Variants in KCNB2 observed in about 807,000 individuals in gnomAD.
KCNB2 encodes the protein delayed rectifier potassium channel protein.
KCNB2 carries 15 observed loss-of-function variants against 61.5 expected under a neutral mutation model. That is an observed-to-expected ratio of 0.24 (90% confidence interval 0.16 to 0.38). KCNB2 has a LOEUF of 0.38. Ranked by LOEUF, KCNB2 falls within the 10% of genes least tolerant of loss-of-function variation. The pLI is 1.00. For synonymous variants in KCNB2, 457 were observed against 446.0 expected, an observed-to-expected ratio of 1.02 and a Z score of -0.31; for missense variants, 828 against 1,125.2, an observed-to-expected ratio of 0.74 and a Z score of 3.78.
chr8:72,638,415 C>T (rs993181701), intron 2 of KCNB2, among the ~76,000 whole-genome samples: 1 of 152,116 alleles, frequency 6.6e-6, no homozygotes, highest in Admixed American at 6.6e-5. Flanking sequence ...CACTGACCAC[C>T]GGGCTTCCTA....
chr8:72,553,574 G>A (rs1347423278), intron 1 of KCNB2, among the ~76,000 whole-genome samples: 2 of 152,006 alleles, frequency 1.3e-5, no homozygotes, highest in Non-Finnish European at 2.9e-5. Context: ...TGAGATAAAT[G>A]TCATTTTAAA....
At chr8:72,905,965 A>G (rs1392546200) in intron 2 of KCNB2, among the ~76,000 whole-genome samples, 7 of 152,126 alleles carry the variant, frequency 4.6e-5, no homozygotes, top group Admixed American at 4.6e-4. Context: ...TTCAAGCCAA[A>G]CCCATTGGAT....
At chr8:72,631,064 G>A (rs1805871615) in intron 2 of KCNB2, among the ~76,000 whole-genome samples, 1 of 152,090 alleles carries the variant, frequency 6.6e-6, no homozygotes, top group African/African-American at 2.4e-5. Context: ...CACAATAAGA[G>A]ATGAACAACA....
chr8:72,568,470 T>C (rs868736778), intron 2 of KCNB2, among the ~76,000 whole-genome samples, 157 bp downstream of exon 2: 8 of 152,212 alleles, frequency 5.3e-5, no homozygotes, highest in African/African-American at 1.4e-4. Flanking sequence ...TTTAGTCCAA[T>C]ATAGTCATTC....
intron 2 of KCNB2, among the ~76,000 whole-genome samples, chr8:72,882,192 A>G (rs557575995): frequency 6.6e-6 from 1 of 152,130 alleles, no homozygotes; most frequent in East Asian, 1.9e-4. Flanking sequence ...GCACCTCCAC[A>G]CGGGGGTGGT....
intron 2 of KCNB2, among the ~76,000 whole-genome samples, chr8:72,729,396 C>G (rs1807703908): frequency 6.6e-6 from 1 of 152,176 alleles, no homozygotes; most frequent in South Asian, 2.1e-4. Flanking sequence ...TGCAAACTCA[C>G]AGGGAGGCCA....
chr8:72,640,971 ACTATG>A (rs1416604043), intron 2 of KCNB2, among the ~76,000 whole-genome samples: 4 of 152,120 alleles, frequency 2.6e-5, no homozygotes, highest in African/African-American at 9.7e-5. Context: ...AAGTATTCAT[ACTATG>A]CACATCTTTA....
chr8:72,924,223 T>C (rs185061858), intron 2 of KCNB2, among the ~76,000 whole-genome samples: 20 of 152,262 alleles, frequency 1.3e-4, no homozygotes, highest in African/African-American at 4.6e-4. Context: ...TCTCCAAGGT[T>C]TTTTTCTAGC....
intron 2 of KCNB2, among the ~76,000 whole-genome samples, chr8:72,664,860 A>G (rs1377722491): frequency 2.6e-5 from 4 of 152,242 alleles, no homozygotes; most frequent in Admixed American, 2.0e-4. Flanking sequence ...AAGTAAGGTT[A>G]TCAGGGAAGG....
chr8:72,815,139 C>T (rs867994900), intron 2 of KCNB2, among the ~76,000 whole-genome samples: 1 of 152,222 alleles, frequency 6.6e-6, no homozygotes, highest in South Asian at 2.1e-4. Flanking sequence ...GTAAAAGTGG[C>T]AGGCAATTGT....
chr8:72,639,102 A>G (rs1405303777), intron 2 of KCNB2, among the ~76,000 whole-genome samples: 1 of 152,164 alleles, frequency 6.6e-6, no homozygotes, highest in Non-Finnish European at 1.5e-5. Flanking sequence ...ACAATTTCAG[A>G]TACTTCTATG....
At chr8:72,558,043 A>T (rs191142363) in intron 1 of KCNB2, among the ~76,000 whole-genome samples, 161 of 152,310 alleles carry the variant, frequency 1.1e-3, no homozygotes, top group Middle Eastern at 6.8e-3. Flanking sequence ...TTATTCATTC[A>T]TTTTTTGGGG....
intron 2 of KCNB2, among the ~76,000 whole-genome samples, chr8:72,915,895 G>A (rs1806389721): frequency 6.6e-6 from 1 of 152,152 alleles, no homozygotes; most frequent in Non-Finnish European, 1.5e-5. Flanking sequence ...CTCCAGCCTG[G>A]GCAACAGAGT....
chr8:72,719,526 G>C (rs1181896752), intron 2 of KCNB2, among the ~76,000 whole-genome samples: 1 of 151,908 alleles, frequency 6.6e-6, no homozygotes, highest in Admixed American at 6.6e-5. Flanking sequence ...AATTTAGTAT[G>C]CCAAGTGGCT....
chr8:72,909,671 A>G (rs1484103752), intron 2 of KCNB2, among the ~76,000 whole-genome samples: 1 of 152,128 alleles, frequency 6.6e-6, no homozygotes, highest in East Asian at 1.9e-4. Flanking sequence ...AAATGATGGC[A>G]GTCCCACACT....
chr8:72,591,936 TA>T (rs1331779491), intron 2 of KCNB2, among the ~76,000 whole-genome samples: 228 of 152,312 alleles, frequency 1.5e-3, no homozygotes, highest in African/African-American at 5.3e-3. Flanking sequence ...TTTACATAAC[TA>T]AAAACTAGAT....
At chr8:72,764,748 A>G (rs1302376983) in intron 2 of KCNB2, among the ~76,000 whole-genome samples, 1 of 152,216 alleles carries the variant, frequency 6.6e-6, no homozygotes, top group Non-Finnish European at 1.5e-5. Context: ...CTGATTGCTT[A>G]TGCACATATT....
chr8:72,821,619 T>TAC (rs1422517623), intron 2 of KCNB2, among the ~76,000 whole-genome samples: 12 of 81,530 alleles, frequency 1.5e-4, no homozygotes, highest in South Asian at 1.2e-3. Context: ...AGTAAGTTCC[T>TAC]ACACACACAC....
chr8:72,652,960 C>G (rs1806235609), intron 2 of KCNB2, among the ~76,000 whole-genome samples: 1 of 152,074 alleles, frequency 6.6e-6, no homozygotes, highest in African/African-American at 2.4e-5. Flanking sequence ...AACCCGTAGC[C>G]TGCCTCTCTC....
Sources: gnomAD v4.1 joint callset for allele counts (sites outside exome capture counted in the v4.1 genomes callset) on GRCh38, gnomAD v4.1.1 for gene constraint, MANE v1.5 for transcripts, NCBI Gene and HGNC (gene_info 2026-07-23, HGNC 2026-07-21) for gene names.